Variants in PRAG1 observed in about 807,000 individuals in gnomAD.
The protein encoded by PRAG1 is inactive tyrosine-protein kinase PRAG1.
PRAG1 carries 110 observed loss-of-function variants against 95.6 expected under a neutral mutation model. The ratio of observed to expected loss-of-function variants is 1.15; its 90% confidence interval spans 0.99 to 1.35. PRAG1 has a LOEUF of 1.35. PRAG1 is among the 40% of genes most tolerant of loss of function. The pLI is 0.00. For synonymous variants in PRAG1, 1,052 were observed against 819.4 expected (o/e 1.28, Z -4.85); for missense variants, 2,554 against 1,864.7 (o/e 1.37, Z -6.81).
intron 3 of PRAG1, among the ~76,000 whole-genome samples, chr8:8,365,413 C>G (rs1182038310): frequency 6.6e-6 from 1 of 151,980 alleles, no homozygotes; most frequent in African/African-American, 2.4e-5. Flanking sequence ...CACCTGAGGT[C>G]AGGAGTTCGA....
chr8:8,376,271 G>C lies in PRAG1; in HGVS notation c.2138C>G (p.Pro713Arg). The C allele has an allele frequency of 6.2e-7, 1 of 1,614,006 alleles. No homozygotes were observed. The highest frequency in any genetic ancestry group is 8.5e-7 in the Non-Finnish European group (1 of 1,179,986). ...CCGCGACTTTGGAGGCGGAGGAGGAGGTGAGAATGTCTCAATCCCACTTCT... is the reference window on the plus strand; with the variant it reads ...CCGCGACTTTGGAGGCGGAGGAGGACGTGAGAATGTCTCAATCCCACTTCT... The part of the protein sequence containing the change: ...KDRSGIETFS[P>R]PPPPPKSRHL... The change falls in exon 3 of 6, where the codon CCT becomes CGT. Residue 713 changes from proline to arginine, a missense_variant. By Grantham distance (103) the Pro-to-Arg change is moderately radical. Coordinates refer to ENST00000615670, the MANE Select transcript of PRAG1 (RefSeq NM_001080826.3).
At chr8:8,336,654 A>C (rs1194093365) in intron 4 of PRAG1, among the ~76,000 whole-genome samples, 2 of 151,996 alleles carry the variant, frequency 1.3e-5, no homozygotes, top group East Asian at 3.9e-4. Flanking sequence ...GTAACAAAGT[A>C]AGAGATTTCG....
At chr8:8,365,694 G>C (rs1339119076) in intron 3 of PRAG1, among the ~76,000 whole-genome samples, 3 of 151,696 alleles carry the variant, frequency 2.0e-5, no homozygotes, top group Non-Finnish European at 4.4e-5. Context: ...TGAGTGCAGT[G>C]ACTCACACCT....
chr8:8,379,618 T>A (rs764382748), intron 2 of PRAG1, among the ~76,000 whole-genome samples: 1 of 152,248 alleles, frequency 6.6e-6, no homozygotes, highest in Non-Finnish European at 1.5e-5. Context: ...TTTTCATATA[T>A]GCTCACACAG....
At chr8:8,335,002 T>TA (rs1200812553) in intron 4 of PRAG1, among the ~76,000 whole-genome samples, 1 of 150,880 alleles carries the variant, frequency 6.6e-6, no homozygotes, top group Non-Finnish European at 1.5e-5. Flanking sequence ...ACCCTGGAGG[T>TA]GGGGCTTGCA....
At chr8:8,333,989 C>G (rs543327747) in intron 4 of PRAG1, among the ~76,000 whole-genome samples, 1 of 152,326 alleles carries the variant, frequency 6.6e-6, no homozygotes, top group East Asian at 1.9e-4. Context: ...TTCTGCCAAC[C>G]CCCATTAACT....
At position 8,318,953 on chromosome 8, in the gene PRAG1, A is replaced by C; in HGVS notation, c.3422T>G (p.Ile1141Ser). 6.2e-7 allele frequency: 1 copy of C among 1,612,910 alleles called. No individual in the cohort carries two copies. ...NGLEHLKEHG[I>S]IHRDLCLENL... Reference sequence around the variant, plus strand: ...CTCCAGGCACAGGTCCCGGTGGATGATCCCGTGCTCCTTCAGGTGCTCCAG... The same window carrying C: ...CTCCAGGCACAGGTCCCGGTGGATGCTCCCGTGCTCCTTCAGGTGCTCCAG... The change falls in exon 6 of 6, where the codon ATC (isoleucine) becomes AGC (serine). Residue 1141 changes from isoleucine to serine, a missense_variant. Coordinates refer to ENST00000615670, the MANE Select transcript of PRAG1 (RefSeq NM_001080826.3). The surrounding 1 kb of genome is among the most constrained non-coding windows in gnomAD (Gnocchi z 4.2).
intron 3 of PRAG1, among the ~76,000 whole-genome samples, chr8:8,369,791 C>G (rs1298176522): frequency 6.6e-6 from 1 of 151,232 alleles, no homozygotes; most frequent in Non-Finnish European, 1.5e-5. Context: ...TAAGGTACTC[C>G]TGGACACAGA....
chr8:8,342,418 G>A (rs929191047), intron 3 of PRAG1, among the ~76,000 whole-genome samples: 10 of 151,814 alleles, frequency 6.6e-5, no homozygotes, highest in South Asian at 2.1e-4. Context: ...GGATGGTCTC[G>A]ACCCCCTGAC....
At chr8:8,366,452 T>C (rs1800011641) in intron 3 of PRAG1, among the ~76,000 whole-genome samples, 1 of 152,054 alleles carries the variant, frequency 6.6e-6, no homozygotes. Flanking sequence ...TAGCTAAGAT[T>C]ACATGCGTCT....
chr8:8,340,397 A>C (rs970357938), intron 3 of PRAG1, among the ~76,000 whole-genome samples: 1 of 152,148 alleles, frequency 6.6e-6, no homozygotes, highest in African/African-American at 2.4e-5. Flanking sequence ...TCTCCTTCCC[A>C]CTTTCCAAGG....
intron 3 of PRAG1, among the ~76,000 whole-genome samples, chr8:8,348,859 G>C (rs1250515997): frequency 1.3e-5 from 2 of 152,162 alleles, no homozygotes; most frequent in African/African-American, 2.4e-5. Flanking sequence ...ATTATAAATG[G>C]TTTGAGGAGC....
At chr8:8,348,059 G>A (rs1332516159) in intron 3 of PRAG1, among the ~76,000 whole-genome samples, 2 of 152,148 alleles carry the variant, frequency 1.3e-5, no homozygotes, top group East Asian at 1.9e-4. Flanking sequence ...TGGGACTACA[G>A]GTGCATGCCA....
intron 5 of PRAG1, among the ~76,000 whole-genome samples, chr8:8,320,743 G>A (rs1221322330): frequency 6.6e-6 from 1 of 152,244 alleles, no homozygotes; most frequent in African/African-American, 2.4e-5. Context: ...GTGTTGGAAT[G>A]ATGATGAAGC....
chr8:8,343,507 A>G (rs1585239439), intron 3 of PRAG1, among the ~76,000 whole-genome samples: 1 of 152,342 alleles, frequency 6.6e-6, no homozygotes, highest in African/African-American at 2.4e-5. Flanking sequence ...AAATATGAAA[A>G]TACATAGAAA....
intron 1 of PRAG1, among the ~76,000 whole-genome samples, chr8:8,383,946 A>T (rs1182217756): frequency 6.6e-6 from 1 of 152,138 alleles, no homozygotes; most frequent in African/African-American, 2.4e-5. Context: ...CCTTCCTGGG[A>T]CGCTGATGGG....
At chr8:8,324,153 G>T (rs1013657401) in intron 5 of PRAG1, among the ~76,000 whole-genome samples, 1 of 152,154 alleles carries the variant, frequency 6.6e-6, no homozygotes, top group African/African-American at 2.4e-5. Context: ...GCCCTCTGGT[G>T]ATGCGGAGGC....
intron 3 of PRAG1, among the ~76,000 whole-genome samples, chr8:8,368,877 T>C (rs1157490370): frequency 6.6e-6 from 1 of 151,372 alleles, no homozygotes; most frequent in African/African-American, 2.4e-5. Context: ...TGAGAAAATA[T>C]TATTTTGGCA....
chr8:8,321,747 G>GA (rs1216164280), intron 5 of PRAG1, among the ~76,000 whole-genome samples: 1 of 152,072 alleles, frequency 6.6e-6, no homozygotes, highest in African/African-American at 2.4e-5. Flanking sequence ...GCTCTGGAGT[G>GA]AAAAAAGGCC....
Sources: allele counts gnomAD v4.1 joint callset (sites outside exome capture counted in the v4.1 genomes callset), GRCh38; gene constraint gnomAD v4.1.1; non-coding constraint Gnocchi (gnomAD v3.1); transcripts MANE v1.5; gene names NCBI Gene and HGNC (gene_info 2026-07-23, HGNC 2026-07-21).